Variants in DMD observed in about 807,000 individuals in gnomAD.
DMD encodes mutant dystrophin.
A neutral mutation model predicts 330.1 loss-of-function variants in DMD; 63 were observed. The ratio of observed to expected loss-of-function variants is 0.19; its 90% CI spans 0.16 to 0.24. DMD has a LOEUF of 0.24. Among genes scored for constraint, DMD ranks in the 10% least tolerant of loss-of-function variants. DMD has a pLI of 1.00. For missense variants in DMD, 3,344 were observed against 2,684.1 expected, an observed-to-expected ratio of 1.25 and a Z score of -5.43; for synonymous variants, 1,223 against 959.8, an observed-to-expected ratio of 1.27 and a Z score of -5.07.
intron 63 of DMD, among the ~76,000 whole-genome samples, chrX:31,229,294 T>C (rs1359544753): frequency 8.9e-6 from 1 of 112,205 alleles, no homozygotes; most frequent in African/African-American, 3.2e-5. Flanking sequence ...ATTTCAATTT[T>C]ATAGCTGGTT....
chrX:32,741,928 G>T (rs188195597), intron 7 of DMD, among the ~76,000 whole-genome samples: 7 of 111,912 alleles, frequency 6.3e-5, no homozygotes, highest in Non-Finnish European at 5.6e-5. Context: ...TTAGATTGGT[G>T]CAACAGTAAT....
chrX:32,862,011 C>T (rs2082108103), intron 2 of DMD, among the ~76,000 whole-genome samples: 1 of 111,649 alleles, frequency 9.0e-6, no homozygotes, highest in Non-Finnish European at 1.9e-5. Flanking sequence ...ACTGGAACAC[C>T]GTCGTCTTCT....
At chrX:31,320,762 A>G (rs759728077) in intron 62 of DMD, among the ~76,000 whole-genome samples, 3 of 111,611 alleles carry the variant, frequency 2.7e-5, no homozygotes, top group Admixed American at 9.5e-5. Flanking sequence ...AACATTTTAC[A>G]CTCATATTTG....
At chrX:32,351,872 C>T (rs1407026875) in intron 37 of DMD, among the ~76,000 whole-genome samples, 1 of 110,373 alleles carries the variant, frequency 9.1e-6, no homozygotes, top group Non-Finnish European at 1.9e-5. Context: ...GTAAAAAGAG[C>T]TTTGGGAGAG....
chrX:31,176,664 C>G (rs1442964677), intron 71 of DMD, among the ~76,000 whole-genome samples: 3 of 111,239 alleles, frequency 2.7e-5, no homozygotes, highest in Non-Finnish European at 5.7e-5. Context: ...GTTGTAACTT[C>G]TATAACAGAC....
At chrX:31,228,112 TG>T (rs1452407836) in intron 63 of DMD, among the ~76,000 whole-genome samples, 1 of 40,390 alleles carries the variant, frequency 2.5e-5, no homozygotes, top group Non-Finnish European at 4.5e-5. Flanking sequence ...TGTGGTGGGG[TG>T]GGGGGAGTGG....
intron 1 of DMD, among the ~76,000 whole-genome samples, chrX:33,292,003 G>A (rs945973676): frequency 9.0e-6 from 1 of 111,520 alleles, no homozygotes; most frequent in Non-Finnish European, 1.9e-5. Context: ...TTATAAGAAT[G>A]TATGTATTCC....
chrX:32,380,029 C>T (rs901353742), intron 34 of DMD, among the ~76,000 whole-genome samples: 1 of 111,298 alleles, frequency 9.0e-6, no homozygotes, highest in Non-Finnish European at 1.9e-5. Flanking sequence ...TTACAGGAGT[C>T]GCTGTGTCAT....
At chrX:32,631,148 T>C (rs1163109584) in intron 11 of DMD, among the ~76,000 whole-genome samples, 1 of 111,799 alleles carries the variant, frequency 8.9e-6, no homozygotes, top group Non-Finnish European at 1.9e-5. Context: ...TATTACCTGG[T>C]AGATAATCTT....
At chrX:32,058,546 C>T (rs948702890) in intron 44 of DMD, among the ~76,000 whole-genome samples, 3 of 97,902 alleles carry the variant, frequency 3.1e-5, no homozygotes, top group African/African-American at 3.8e-5. Flanking sequence ...TACTACCTCA[C>T]GGATTAGGAT....
chrX:31,943,068 TG>T (rs1321286373), intron 45 of DMD, among the ~76,000 whole-genome samples: 2 of 112,484 alleles, frequency 1.8e-5, no homozygotes, highest in Non-Finnish European at 1.9e-5. Context: ...AAAGTTTTAC[TG>T]GAACAGAGCT....
At chrX:32,044,665 G>A (rs1412895400) in intron 44 of DMD, among the ~76,000 whole-genome samples, 22 of 110,582 alleles carry the variant, frequency 2.0e-4, no homozygotes, top group South Asian at 1.1e-3. Flanking sequence ...ATCATGATCC[G>A]CCCGCCTTGG....
intron 47 of DMD, among the ~76,000 whole-genome samples, chrX:31,890,491 C>A (rs749358947): frequency 6.9e-4 from 77 of 111,486 alleles, no homozygotes; most frequent in African/African-American, 2.3e-3. Context: ...GCACTTACCA[C>A]ATTTCCAATG....
intron 55 of DMD, among the ~76,000 whole-genome samples, chrX:31,562,094 T>C (rs1202479734): frequency 2.7e-5 from 3 of 112,184 alleles, no homozygotes; most frequent in Non-Finnish European, 5.6e-5. Context: ...AAACTTGTTT[T>C]GATTTTTGAA....
intron 44 of DMD, among the ~76,000 whole-genome samples, chrX:32,106,172 G>C (rs1269869828): frequency 1.8e-5 from 2 of 111,557 alleles, no homozygotes; most frequent in African/African-American, 6.5e-5. Flanking sequence ...AATTAATAAA[G>C]GAGAGTATAA....
chrX:31,398,335 C>A (rs996196935), intron 60 of DMD, among the ~76,000 whole-genome samples: 15 of 111,559 alleles, frequency 1.3e-4, no homozygotes, highest in Non-Finnish European at 2.6e-4. Flanking sequence ...GCTTTCCAGG[C>A]ATAGAAAGAG....
intron 4 of DMD, among the ~76,000 whole-genome samples, chrX:32,843,906 C>G (rs1305198076): frequency 8.9e-6 from 1 of 111,735 alleles, no homozygotes; most frequent in Non-Finnish European, 1.9e-5. Context: ...GTATTTTAAT[C>G]CAGTTAAATC....
At chrX:32,734,429 C>T (rs1373682111) in intron 7 of DMD, among the ~76,000 whole-genome samples, 5 of 105,338 alleles carry the variant, frequency 4.7e-5, no homozygotes, top group South Asian at 4.1e-4. Flanking sequence ...CCAGCATCAT[C>T]CTGATACGAA....
chrX:33,021,458 T>G (rs2147767949), intron 1 of DMD, among the ~76,000 whole-genome samples: 1 of 111,837 alleles, frequency 8.9e-6, no homozygotes, highest in South Asian at 3.7e-4. Flanking sequence ...ATAAATTTTA[T>G]ATTTTATCTA....
Sources: gnomAD v4.1 joint callset for allele counts (sites outside exome capture counted in the v4.1 genomes callset) on GRCh38, gnomAD v4.1.1 for gene constraint, MANE v1.5 for transcripts, NCBI Gene and HGNC (gene_info 2026-07-23, HGNC 2026-07-21) for gene names.